Variants in HHLA1 observed in about 807,000 individuals in gnomAD.
The protein encoded by HHLA1 is HERV-H LTR-associating protein 1.
In HHLA1, 72 loss-of-function variants were observed where a neutral mutation model predicts 69.9. The observed-to-expected ratio is 1.03, with a 90% confidence interval of 0.85 to 1.25. HHLA1 has a LOEUF of 1.25. HHLA1 is among the 50% of genes most tolerant of loss of function. HHLA1 has a pLI of 0.00. For synonymous variants in HHLA1, 252 were observed against 233.2 expected (o/e 1.08, Z -0.73); for missense variants, 685 against 642.2 (o/e 1.07, Z -0.72).
chr8:132,104,108 C>A lies in HHLA1; in HGVS notation c.139G>T (p.Val47Leu). Residue 47 changes from valine to leucine, a missense_variant and splice_region_variant, in exon 3 of 17, where the codon GTG becomes TTG. Val to Leu is a conservative substitution (Grantham distance 32). Transcript: ENST00000414222. ...EKGMTFLPTTVSGLREEERKE... is the reference protein window; with the variant it reads ...EKGMTFLPTTLSGLREEERKE... ...AAAGGAGCCCTTATCACCCACTTAC[C>A]TGTTGTAGGTAAAAAGGTCATTCCC... 6.5e-7 allele frequency: 1 copy of A among 1,549,642 alleles called. No individual in the cohort carries two copies. The highest frequency in any genetic ancestry group is 8.7e-7 in the Non-Finnish European group (1 of 1,145,136).
At position 132,079,906 on chromosome 8, in the gene HHLA1, AGT is replaced by A; in HGVS notation, c.735_736del (p.Leu246ThrfsTer43). 1 of 1,552,214 alleles carries A rather than the reference AGT, an allele frequency of 6.4e-7. No individual in the cohort carries two copies. Among genetic ancestry groups the A allele is most frequent in the Non-Finnish European group, 8.7e-7 (1 of 1,147,098 alleles). Reference sequence around the variant, plus strand: ...CCAGTGTCCGGGGCTTGTACTTGGTAGTGTTTTCTGGCTTTTGGTTGTGGGCT... The same window carrying A: ...CCAGTGTCCGGGGCTTGTACTTGGTAGTTTTCTGGCTTTTGGTTGTGGGCT... On this transcript the variant is annotated frameshift_variant, in exon 11 of 17. Transcript: ENST00000414222. LOFTEE classifies it high-confidence loss of function.
intron 10 of HHLA1, chr8:132,085,391 AAG>A (rs1225300639): frequency 2.7e-6 from 1 of 364,762 alleles, no homozygotes; most frequent in Non-Finnish European, 5.5e-6. Flanking sequence ...TGAGAGTAAA[AAG>A]AGGCCGCTTA....
In HHLA1 at chr8:132,077,965, C is replaced by G; in HGVS notation, c.932G>C (p.Arg311Thr). The change falls in exon 12 of 17, where the codon AGG becomes ACG. Residue 311 changes from arginine (R) to threonine (T), a missense_variant. Transcript: ENST00000414222. ...CAACCACTGAGTTCTGGCCACCCTC[C>G]TGGTAGCTGCACATTCAAAGTGACA... ...ASHTLPALATRRVARTQWLTA... is the reference protein window; with the variant it reads ...ASHTLPALATTRVARTQWLTA... 1 of 1,551,604 alleles carries G rather than the reference C, an allele frequency of 6.4e-7. No individual in the cohort carries two copies.
intron 3 of HHLA1, chr8:132,101,170 C>T (rs1486462733): frequency 6.5e-7 from 1 of 1,536,712 alleles, no homozygotes; most frequent in African/African-American, 1.4e-5. Context: ...AACAACAAGC[C>T]ACAGAGTCTG....
chr8:132,087,666 C>T lies in HHLA1; in HGVS notation c.663G>A (p.Leu221=), dbSNP rs775930523. The T allele has an allele frequency of 1.3e-6, 2 of 1,550,782 alleles. No individual in the cohort carries two copies. Among genetic ancestry groups the T allele is most frequent in the Non-Finnish European group, 1.7e-6 (2 of 1,146,248 alleles). The change falls in exon 10 of 17, where the codon TTG becomes TTA. Residue 221 remains leucine, a synonymous_variant. Coordinates refer to ENST00000414222, the MANE Select transcript of HHLA1 (RefSeq NM_001145095.3). Reference sequence around the variant, plus strand: ...GTTGGTACTCACCCAGAACACCAGACAAGCCGCTGGTAAATGTGTAATTGA... The same window carrying T: ...GTTGGTACTCACCCAGAACACCAGATAAGCCGCTGGTAAATGTGTAATTGA... ...PIINYTFTSG[L]SGVLGAATRG... is the part of the protein sequence containing the mutation.
At position 132,071,382 on chromosome 8, in the gene HHLA1, C is replaced by T. The variant is rs541233811; in HGVS notation, c.1427G>A (p.Cys476Tyr). ...GGGACTCCTCTGGCTCATGCAGAGG[C>T]ATTGCTGGAAGAATTGGCACAGCTC... ...LMELCQFFQQ[C>Y]LCMSQRSPRT... Residue 476 changes from cysteine (C) to tyrosine (Y), a missense_variant, in exon 15 of 17, where the codon TGC becomes TAC. Coordinates refer to ENST00000414222, the MANE Select transcript of HHLA1 (RefSeq NM_001145095.3). 9 of 1,551,700 alleles carry T rather than the reference C, an allele frequency of 5.8e-6. No homozygotes were observed. In the Admixed American group the frequency reaches 7.8e-5, roughly 14 times the overall value.
chr8:132,084,342 T>A (rs1252810493), intron 10 of HHLA1, among the ~76,000 whole-genome samples: 2 of 151,588 alleles, frequency 1.3e-5, no homozygotes, highest in African/African-American at 4.9e-5. Context: ...AAAGGAAGAT[T>A]AGAAAGACTC....
chr8:132,101,764 G>T (rs1245390330), intron 3 of HHLA1, among the ~76,000 whole-genome samples: 4 of 151,978 alleles, frequency 2.6e-5, no homozygotes, highest in Admixed American at 6.6e-5. Flanking sequence ...AGTAGATCTG[G>T]GGTTTCACCA....
intron 8 of HHLA1, 146 bp downstream of exon 8, chr8:132,089,370 C>A: frequency 1.5e-6 from 1 of 671,112 alleles, no homozygotes; most frequent in Non-Finnish European, 2.7e-6. Context: ...CTGGACCACA[C>A]TGATTATCTA....
In HHLA1 at chr8:132,101,262, T is replaced by C. The variant is rs1201538548; in HGVS notation, c.140-1128A>G. ...CCATCTTTTTCCTTCTTAACATCTT[T>C]ATTTCCAGACACTGAAATAAAAGTT... On this transcript the variant is annotated intron_variant, in intron 3 of 16. Transcript: ENST00000414222. 1.9e-6 allele frequency: 3 copies of C among 1,550,314 alleles called. No individual in the cohort carries two copies. In the Admixed American group the frequency reaches 5.9e-5, roughly 30 times the overall value.
rs1824008961 is a variant in HHLA1, at chr8:132,095,570, A to G, written c.397T>C (p.Phe133Leu). ...AAACAGTAGCAATACCTTGTGGGGA[A>G]TTTGGCGGGGTCTACTGTCTTCAGG... ...SNLKTVDPAK[F>L]PTRYCYCLNN... The change falls in exon 7 of 17, where the codon TTC (phenylalanine) becomes CTC (leucine). Residue 133 changes from phenylalanine (F) to leucine (L), a missense_variant. Physicochemically the swap from Phe to Leu is conservative, Grantham distance 22. Transcript: ENST00000414222. 1.9e-6 allele frequency: 3 copies of G among 1,550,472 alleles called. No individual in the cohort carries two copies. Among genetic ancestry groups the G allele is most frequent in the East Asian group, 4.9e-5 (2 of 40,914 alleles).
At chr8:132,105,464 A>G (rs1824189089) in intron 1 of HHLA1, among the ~76,000 whole-genome samples, 178 bp from the exon 2 acceptor site, 1 of 152,256 alleles carries the variant, frequency 6.6e-6, no homozygotes, top group South Asian at 2.1e-4. Flanking sequence ...CTTAACAAGA[A>G]AAGTTGATTT....
chr8:132,084,878 G>C (rs1243482748), intron 10 of HHLA1, among the ~76,000 whole-genome samples: 1 of 152,006 alleles, frequency 6.6e-6, no homozygotes, highest in Admixed American at 6.6e-5. Flanking sequence ...AGCGATTGGG[G>C]GGTTCTTGCC....
chr8:132,099,419 T>G (rs1027043977), intron 4 of HHLA1, among the ~76,000 whole-genome samples: 2 of 152,238 alleles, frequency 1.3e-5, no homozygotes, highest in Non-Finnish European at 2.9e-5. Context: ...TTCCAGTACC[T>G]GGCCTTCATC....
At chr8:132,074,862 A>G (rs1823608259) in intron 14 of HHLA1, among the ~76,000 whole-genome samples, 1 of 152,186 alleles carries the variant, frequency 6.6e-6, no homozygotes, top group Admixed American at 6.5e-5. Context: ...TGGGTAGGTT[A>G]ATAAATAGAT....
At chr8:132,065,489 A>G (rs3779977) in intron 16 of HHLA1, among the ~76,000 whole-genome samples, 56,865 of 152,040 alleles carry the variant, frequency 0.37, 12,668 homozygotes, top group Non-Finnish European at 0.48. Flanking sequence ...TCACCATGTT[A>G]GCCAGGATGG....
intron 12 of HHLA1, among the ~76,000 whole-genome samples, chr8:132,076,753 C>T (rs1267895355): frequency 2.6e-5 from 4 of 152,116 alleles, no homozygotes; most frequent in Non-Finnish European, 5.9e-5. Flanking sequence ...TACTGTGATA[C>T]AGCGTGATGG....
In HHLA1 at chr8:132,079,739, A is replaced by G. The variant is rs769814595; in HGVS notation, c.904T>C (p.Ser302Pro). The change falls in exon 11 of 17, where the codon TCC becomes CCC. Residue 302 changes from serine to proline, a missense_variant. Coordinates refer to ENST00000414222, the MANE Select transcript of HHLA1 (RefSeq NM_001145095.3). ...ARATATWFSASHTLPALATRR... is the reference protein window; with the variant it reads ...ARATATWFSAPHTLPALATRR... ...TTACCCAAGGCTGGGAGAGTGTGGG[A>G]GGCACTGAACCATGTGGCTGTGGCC... 6.4e-7 allele frequency: 1 copy of G among 1,550,642 alleles called. No individual in the cohort carries two copies. The highest frequency in any genetic ancestry group is 1.2e-5 in the South Asian group (1 of 83,892).
Position 132,106,646 on chromosome 8 carries a change from C to T in HHLA1, c.-21-1360G>A, listed in dbSNP as rs967307567. ...ATCCATACCAGGCATCAAGCTCAGGCTGGAGACACAGGGACAGAGTAGACA... is the reference window on the plus strand; with the variant it reads ...ATCCATACCAGGCATCAAGCTCAGGTTGGAGACACAGGGACAGAGTAGACA... On this transcript the variant is annotated intron_variant, in intron 1 of 16. Transcript: ENST00000414222. Among the ~76,000 whole-genome samples the T allele has an allele frequency of 2.6e-5, 4 of 152,348 alleles. No individual in the cohort carries two copies. The East Asian group carries it at 7.7e-4, about 29-fold the overall frequency.
Sources: allele counts gnomAD v4.1 joint callset (sites outside exome capture counted in the v4.1 genomes callset), GRCh38; gene constraint gnomAD v4.1.1; transcripts MANE v1.5; gene names NCBI Gene and HGNC (gene_info 2026-07-23, HGNC 2026-07-21).